TAFA5: variants seen among roughly 807,000 people sequenced by gnomAD.
TAFA5 encodes the protein chemokine-like protein TAFA-5.
Under a neutral mutation model 15.3 loss-of-function variants are expected in TAFA5, and 6 were observed. The observed-to-expected ratio is 0.39, with a 90% CI of 0.21 to 0.77. TAFA5 has a LOEUF of 0.77. TAFA5 is among the 30% of genes least tolerant of loss of function. The pLI, the probability that TAFA5 is intolerant of heterozygous loss-of-function variation, is 0.41. For synonymous variants in TAFA5, 103 were observed against 80.7 expected (o/e 1.28, Z -1.48); for missense variants, 161 against 193.1 (o/e 0.83, Z 0.98).
At chr22:48,596,094 G>A (rs935550275) in intron 1 of TAFA5, among the ~76,000 whole-genome samples, 16 of 152,228 alleles carry the variant, frequency 1.1e-4, no homozygotes, top group South Asian at 2.1e-4. Context: ...AACAAGGAGC[G>A]TAGGAATTTC....
At chr22:48,658,071 G>A (rs998422427) in intron 2 of TAFA5, among the ~76,000 whole-genome samples, 12 of 152,192 alleles carry the variant, frequency 7.9e-5, no homozygotes, top group Non-Finnish European at 1.0e-4. Context: ...AGAGCTGAGG[G>A]GGCCCAGCAT....
chr22:48,543,282 T>C (rs536333425), intron 1 of TAFA5: 1 of 152,132 alleles, frequency 6.6e-6, no homozygotes, highest in East Asian at 1.9e-4. Flanking sequence ...CCCAAGTCGT[T>C]TTTTGCAATA....
intron 2 of TAFA5, among the ~76,000 whole-genome samples, chr22:48,688,826 A>G (rs1325548107): frequency 6.6e-6 from 1 of 152,002 alleles, no homozygotes; most frequent in Non-Finnish European, 1.5e-5. Context: ...CCCCATCTCT[A>G]CTAAAAATAT....
chr22:48,567,504 C>G (rs1042373616), intron 1 of TAFA5, among the ~76,000 whole-genome samples: 1 of 152,180 alleles, frequency 6.6e-6, no homozygotes, highest in Non-Finnish European at 1.5e-5. Context: ...ATCGTGGGTG[C>G]GGGTCTGGAG....
intron 2 of TAFA5, among the ~76,000 whole-genome samples, chr22:48,691,222 A>G (rs1268789442): frequency 1.3e-5 from 2 of 152,090 alleles, no homozygotes; most frequent in African/African-American, 4.8e-5. Flanking sequence ...TGCAGGGGCC[A>G]CTTCTGGGCC....
chr22:48,575,043 T>A (rs1471880440), intron 1 of TAFA5, among the ~76,000 whole-genome samples: 1 of 152,102 alleles, frequency 6.6e-6, no homozygotes, highest in Non-Finnish European at 1.5e-5. Flanking sequence ...CAGGCAGATG[T>A]GCCGTTTTCA....
chr22:48,570,620 C>T (rs1923550229), intron 1 of TAFA5, among the ~76,000 whole-genome samples: 1 of 152,186 alleles, frequency 6.6e-6, no homozygotes, highest in Admixed American at 6.5e-5. Context: ...TCGTCACTTT[C>T]CATTTTGAAC....
intron 2 of TAFA5, among the ~76,000 whole-genome samples, chr22:48,691,971 C>T (rs954142273): frequency 6.6e-6 from 1 of 152,164 alleles, no homozygotes; most frequent in Non-Finnish European, 1.5e-5. Context: ...AGGGCTGAGT[C>T]GTCCTCCAAA....
At chr22:48,599,050 G>T (rs898507453) in intron 1 of TAFA5, among the ~76,000 whole-genome samples, 8 of 152,144 alleles carry the variant, frequency 5.3e-5, no homozygotes, top group African/African-American at 1.9e-4. Context: ...TGTCCTCTCT[G>T]GGCAAGCCGT....
At chr22:48,600,987 T>C (rs1924949473) in intron 1 of TAFA5, among the ~76,000 whole-genome samples, 1 of 152,180 alleles carries the variant, frequency 6.6e-6, no homozygotes, top group Admixed American at 6.5e-5. Context: ...TTCAGCCGGC[T>C]TCCTCTCCTC....
chr22:48,518,998 C>T (rs1253188552), intron 1 of TAFA5, among the ~76,000 whole-genome samples: 2 of 152,104 alleles, frequency 1.3e-5, no homozygotes, highest in Non-Finnish European at 2.9e-5. Context: ...GGAGGGCTCA[C>T]GTCTGCAGTG....
At chr22:48,535,545 TTGTG>T (rs771984926) in intron 1 of TAFA5, among the ~76,000 whole-genome samples, 14 of 143,924 alleles carry the variant, frequency 9.7e-5, no homozygotes, top group South Asian at 2.3e-4. Flanking sequence ...ACTCGTGCCT[TTGTG>T]TGCGCACAAG....
At chr22:48,553,218 C>A (rs1041142673) in intron 1 of TAFA5, among the ~76,000 whole-genome samples, 1 of 152,122 alleles carries the variant, frequency 6.6e-6, no homozygotes, top group East Asian at 1.9e-4. Context: ...ACTCCACAGG[C>A]CCCCCGCTCT....
At chr22:48,695,840 G>A (rs746952244) in intron 2 of TAFA5, among the ~76,000 whole-genome samples, 24 of 152,180 alleles carry the variant, frequency 1.6e-4, no homozygotes, top group Non-Finnish European at 3.4e-4. Flanking sequence ...CCTGGCGAGG[G>A]GAGTCAGCGT....
At chr22:48,527,707 G>A (rs1030348317) in intron 1 of TAFA5, among the ~76,000 whole-genome samples, 3 of 152,210 alleles carry the variant, frequency 2.0e-5, no homozygotes, top group East Asian at 1.9e-4. Flanking sequence ...AGGAGGATCC[G>A]GGGCTCTGTG....
chr22:48,559,805 G>A (rs78363308), intron 1 of TAFA5, among the ~76,000 whole-genome samples: 3,780 of 152,238 alleles, frequency 0.025, 158 homozygotes, highest in African/African-American at 0.086. Flanking sequence ...GAGGCGGAGC[G>A]CGGCGGGGAT....
chr22:48,654,582 G>T (rs887825385), intron 2 of TAFA5, among the ~76,000 whole-genome samples: 1 of 152,362 alleles, frequency 6.6e-6, no homozygotes, highest in East Asian at 1.9e-4. Flanking sequence ...CCCATCCCTC[G>T]TCCTGTTGGG....
intron 1 of TAFA5, among the ~76,000 whole-genome samples, chr22:48,506,647 G>C (rs1004657072): frequency 6.6e-6 from 1 of 152,194 alleles, no homozygotes; most frequent in African/African-American, 2.4e-5. Flanking sequence ...GGATGGCCAA[G>C]GCTGCCCTGC....
chr22:48,719,221 A>G (rs1929494985), intron 3 of TAFA5, among the ~76,000 whole-genome samples: 1 of 152,074 alleles, frequency 6.6e-6, no homozygotes, highest in South Asian at 2.1e-4. Flanking sequence ...GTCCTTCTGG[A>G]ACTAATGCCA....
Sources: allele counts gnomAD v4.1 joint callset (sites outside exome capture counted in the v4.1 genomes callset), GRCh38; gene constraint gnomAD v4.1.1; transcripts MANE v1.5; gene names NCBI Gene and HGNC (gene_info 2026-07-23, HGNC 2026-07-21).